DENND5A: variants seen among roughly 807,000 people sequenced by gnomAD.
The protein encoded by DENND5A is DENN domain-containing protein 5A.
In DENND5A, 64 loss-of-function variants were observed where a neutral mutation model predicts 140.3. The ratio of observed to expected loss-of-function variants is 0.46; its 90% CI spans 0.37 to 0.56. DENND5A has a LOEUF of 0.56. Ranked by LOEUF, DENND5A falls within the 20% of genes least tolerant of loss-of-function variation. DENND5A has a pLI of 0.00. For synonymous variants in DENND5A, 605 were observed against 607.7 expected, an observed-to-expected ratio of 1.00 and a Z score of 0.07; for missense variants, 1,292 against 1,593.8, an observed-to-expected ratio of 0.81 and a Z score of 3.22.
chr11:9,263,674 C>G (rs1228629923), intron 1 of DENND5A, among the ~76,000 whole-genome samples: 55 of 146,112 alleles, frequency 3.8e-4, no homozygotes, highest in Non-Finnish European at 6.3e-4. Context: ...AACCCCGTCT[C>G]TACTAAAAAT....
chr11:9,160,967 G>A, intron 11 of DENND5A, 102 bp from the exon 12 acceptor site: 1 of 1,174,902 alleles, frequency 8.5e-7, no homozygotes, highest in Non-Finnish European at 1.2e-6. Context: ...GTTGGGCTGG[G>A]AAGGACAGGA....
intron 1 of DENND5A, among the ~76,000 whole-genome samples, chr11:9,235,518 C>T (rs1163835885): frequency 6.6e-6 from 1 of 151,468 alleles, no homozygotes; most frequent in Non-Finnish European, 1.5e-5. Flanking sequence ...ATTAGCTGGG[C>T]ACGATGGCGG....
At chr11:9,212,460 T>C (rs1292861144) in intron 1 of DENND5A, among the ~76,000 whole-genome samples, 4 of 151,920 alleles carry the variant, frequency 2.6e-5, no homozygotes, top group Admixed American at 6.6e-5. Context: ...GCCAATAAAA[T>C]AATACACAAG....
chr11:9,143,337 C>G, intron 20 of DENND5A, 66 bp downstream of exon 20: 1 of 1,416,810 alleles, frequency 7.1e-7, no homozygotes, highest in Non-Finnish European at 1.0e-6. Context: ...ACAAGATAAT[C>G]GGAAAAACAA....
At chr11:9,250,025 T>C (rs940085507) in intron 1 of DENND5A, among the ~76,000 whole-genome samples, 5 of 141,214 alleles carry the variant, frequency 3.5e-5, no homozygotes, top group African/African-American at 8.1e-5. Context: ...TCTGTGTTCA[T>C]GCCTTTAAAA....
chr11:9,151,044 A>G (rs530374473), intron 13 of DENND5A, among the ~76,000 whole-genome samples: 1 of 152,328 alleles, frequency 6.6e-6, no homozygotes, highest in East Asian at 1.9e-4. Flanking sequence ...ACATTCAGAG[A>G]GGTTAGCTGC....
At position 9,143,828 on chromosome 11, in the gene DENND5A, C is replaced by T. The variant is rs185362198; in HGVS notation, c.3304+269G>A. 9.7e-4 allele frequency among the ~76,000 whole-genome samples: 148 copies of T among 152,354 alleles called. No homozygotes were observed. In the East Asian group the frequency reaches 0.025, roughly 26 times the overall value. ...GGAGTCCAGAAAGTAGGCCCCTCTCCTTTAATGGATCATGCATGAATATAT... is the reference window on the plus strand; with the variant it reads ...GGAGTCCAGAAAGTAGGCCCCTCTCTTTTAATGGATCATGCATGAATATAT... On this transcript the variant is annotated intron_variant, in intron 19 of 22. Transcript: ENST00000328194.
intron 12 of DENND5A, among the ~76,000 whole-genome samples, chr11:9,156,235 C>T (rs923634827): frequency 5.3e-5 from 8 of 152,140 alleles, no homozygotes; most frequent in South Asian, 2.1e-4. Context: ...AACGCCATGC[C>T]AGCAAGAACA....
chr11:9,202,623 A>G (rs190312502), intron 4 of DENND5A, among the ~76,000 whole-genome samples: 3 of 152,310 alleles, frequency 2.0e-5, no homozygotes, highest in East Asian at 3.9e-4. Context: ...TTAAGAGTAA[A>G]AGCCAAAGTC....
chr11:9,195,097 T>G (rs1430425527), intron 4 of DENND5A, among the ~76,000 whole-genome samples: 3 of 151,412 alleles, frequency 2.0e-5, no homozygotes, highest in Non-Finnish European at 4.4e-5. Flanking sequence ...TTTTTTTTTT[T>G]TTTTGACGGA....
intron 1 of DENND5A, among the ~76,000 whole-genome samples, chr11:9,252,383 T>C (rs1417178662): frequency 6.6e-6 from 1 of 151,618 alleles, no homozygotes; most frequent in Non-Finnish European, 1.5e-5. Flanking sequence ...GTGCAGTGGC[T>C]CATGCCTGTA....
At position 9,150,804 on chromosome 11, in the gene DENND5A, T is replaced by C. The variant is rs745900338; in HGVS notation, c.2522-40A>G. On this transcript the variant is annotated intron_variant, in intron 13 of 22. Transcript: ENST00000328194. ...TTGGTCATGTCCAAAGAGATCTGAATATCCAAATAGCTGACTGCCCTTCCC... is the reference window on the plus strand; with the variant it reads ...TTGGTCATGTCCAAAGAGATCTGAACATCCAAATAGCTGACTGCCCTTCCC... The C allele has an allele frequency of 3.6e-6, 5 of 1,379,430 alleles. No individual in the cohort carries two copies. In the Admixed American group the frequency reaches 6.9e-5, roughly 19 times the overall value. The allele number at this position is 1,379,430 out of a possible 1,614,324, so 85.4% of individuals were successfully genotyped here.
At chr11:9,255,604 G>A (rs993947161) in intron 1 of DENND5A, among the ~76,000 whole-genome samples, 1 of 152,018 alleles carries the variant, frequency 6.6e-6, no homozygotes, top group Non-Finnish European at 1.5e-5. Context: ...AGTGGCTCTC[G>A]CCTGTAATCC....
chr11:9,205,444 G>A (rs895071636), intron 3 of DENND5A, among the ~76,000 whole-genome samples: 1 of 152,142 alleles, frequency 6.6e-6, no homozygotes, highest in African/African-American at 2.4e-5. Flanking sequence ...ATGTTAAAAT[G>A]AAATAAACGC....
chr11:9,173,332 C>G (rs1176687659), intron 8 of DENND5A, among the ~76,000 whole-genome samples: 1 of 152,090 alleles, frequency 6.6e-6, no homozygotes, highest in Non-Finnish European at 1.5e-5. Context: ...AAGAAGAGCA[C>G]CAGAAATGCT....
intron 1 of DENND5A, among the ~76,000 whole-genome samples, chr11:9,237,179 G>A (rs1851039043): frequency 6.6e-6 from 1 of 152,244 alleles, no homozygotes; most frequent in South Asian, 2.1e-4. Context: ...CACTTTGGGA[G>A]GAAGAGATGG....
intron 5 of DENND5A, among the ~76,000 whole-genome samples, chr11:9,192,195 C>G (rs947249663): frequency 2.6e-5 from 4 of 152,188 alleles, no homozygotes. Flanking sequence ...TTAAATATCA[C>G]AGACATGGTC....
At chr11:9,263,564 CGG>C (rs1320745616) in intron 1 of DENND5A, among the ~76,000 whole-genome samples, 1 of 143,804 alleles carries the variant, frequency 7.0e-6, no homozygotes, top group East Asian at 2.3e-4. Flanking sequence ...AACACTGGGC[CGG>C]GCGCGGTGGC....
At chr11:9,180,072 C>T (rs576816107) in intron 6 of DENND5A, among the ~76,000 whole-genome samples, 1 of 152,306 alleles carries the variant, frequency 6.6e-6, no homozygotes, top group African/African-American at 2.4e-5. Context: ...GGGCAAAACA[C>T]TTAGGCTCTC....
Sources: gnomAD v4.1 joint callset for allele counts (sites outside exome capture counted in the v4.1 genomes callset) on GRCh38, gnomAD v4.1.1 for gene constraint, MANE v1.5 for transcripts, NCBI Gene and HGNC (gene_info 2026-07-23, HGNC 2026-07-21) for gene names.